The following HSD11B1 variants were observed in gnomAD, a reference collection of about 807,000 sequenced individuals.
HSD11B1 encodes the protein 11-beta-hydroxysteroid dehydrogenase 1.
HSD11B1 carries 15 observed loss-of-function variants against 22.1 expected under a neutral mutation model. The observed-to-expected ratio is 0.68, with a 90% CI of 0.45 to 1.04. HSD11B1 has a LOEUF of 1.04. Ranked by LOEUF, HSD11B1 falls within the 50% of genes least tolerant of loss-of-function variation. The pLI is 0.00. For missense variants in HSD11B1, 281 were observed against 357.6 expected (o/e 0.79, Z 1.73); for synonymous variants, 122 against 125.2 (o/e 0.97, Z 0.17).
chr1:209,728,591 T>C (rs2077017442), intron 4 of HSD11B1, among the ~76,000 whole-genome samples: 3 of 152,168 alleles, frequency 2.0e-5, no homozygotes, highest in African/African-American at 7.2e-5. Context: ...AGGAAAATTA[T>C]TGACATAACT....
intron 4 of HSD11B1, among the ~76,000 whole-genome samples, chr1:209,731,724 TG>T (rs2077036992): frequency 6.6e-6 from 1 of 152,200 alleles, no homozygotes; most frequent in African/African-American, 2.4e-5. Context: ...TTCTGTTTTT[TG>T]TTTTTTTGAG....
At chr1:209,690,897 A>T (rs1213357848) in intron 1 of HSD11B1, among the ~76,000 whole-genome samples, 5 of 152,172 alleles carry the variant, frequency 3.3e-5, no homozygotes, top group African/African-American at 9.7e-5. Context: ...ATGAAAGAGA[A>T]TAAAATACTC....
At chr1:209,698,809 G>A (rs1028242179) in intron 1 of HSD11B1, among the ~76,000 whole-genome samples, 1 of 152,176 alleles carries the variant, frequency 6.6e-6, no homozygotes, top group Non-Finnish European at 1.5e-5. Flanking sequence ...ACTGGGGGCA[G>A]GGATCAGACC....
At chr1:209,730,506 G>A (rs1377697788) in intron 4 of HSD11B1, among the ~76,000 whole-genome samples, 5 of 152,246 alleles carry the variant, frequency 3.3e-5, no homozygotes, top group African/African-American at 9.6e-5. Flanking sequence ...GAACTATTAC[G>A]TTGCATGGCC....
Position 209,691,929 on chromosome 1 carries a change from T to C in HSD11B1, c.-49+5644T>C, listed in dbSNP as rs543937224. On this transcript the variant is annotated intron_variant, in intron 1 of 6. Transcript: ENST00000261465. ...GTTTTCAGGGGAAAATAAATTAAGATTTAAAAGCGATTTGCCTGTCAGTGG... is the reference window on the plus strand; with the variant it reads ...GTTTTCAGGGGAAAATAAATTAAGACTTAAAAGCGATTTGCCTGTCAGTGG... Among the ~76,000 whole-genome samples the C allele has an allele frequency of 3.1e-4, 47 of 152,252 alleles. No individual in the cohort carries two copies. In the South Asian group the frequency reaches 9.3e-3, roughly 30 times the overall value.
chr1:209,727,752 T>C (rs2077012510), intron 4 of HSD11B1, among the ~76,000 whole-genome samples: 1 of 152,242 alleles, frequency 6.6e-6, no homozygotes, highest in African/African-American at 2.4e-5. Context: ...GCTAAATAAA[T>C]GTTAGTTCCT....
intron 1 of HSD11B1, among the ~76,000 whole-genome samples, chr1:209,694,607 C>T (rs986064534): frequency 4.6e-5 from 7 of 152,150 alleles, no homozygotes; most frequent in Non-Finnish European, 1.0e-4. Flanking sequence ...ATCCTAAAGA[C>T]AATAAGGAGC....
chr1:209,691,870 C>T (rs1381493403), intron 1 of HSD11B1, among the ~76,000 whole-genome samples: 1 of 151,994 alleles, frequency 6.6e-6, no homozygotes, highest in Non-Finnish European at 1.5e-5. Flanking sequence ...AATCAAATAG[C>T]AGTAAAAGCA....
chr1:209,688,790 G>C (rs186019690), intron 1 of HSD11B1, among the ~76,000 whole-genome samples: 4 of 152,142 alleles, frequency 2.6e-5, no homozygotes, highest in African/African-American at 9.7e-5. Flanking sequence ...GACAGTAGAA[G>C]AATTTATATG....
At chr1:209,727,174 G>T (rs1258505892) in intron 4 of HSD11B1, among the ~76,000 whole-genome samples, 1 of 152,218 alleles carries the variant, frequency 6.6e-6, no homozygotes, top group African/African-American at 2.4e-5. Context: ...GAAGATGGAG[G>T]CAGAGACTGG....
intron 1 of HSD11B1, among the ~76,000 whole-genome samples, chr1:209,687,551 T>A (rs185162076): frequency 2.6e-4 from 39 of 152,352 alleles, no homozygotes; most frequent in Admixed American, 1.4e-3. Context: ...CTAATTTATT[T>A]CTCCTTGTTT....
At chr1:209,730,792 T>G in intron 4 of HSD11B1, among the ~76,000 whole-genome samples, 1 of 152,172 alleles carries the variant, frequency 6.6e-6, no homozygotes, top group South Asian at 2.1e-4. Context: ...TTGAAACATA[T>G]AGAAATTCCA....
intron 4 of HSD11B1, among the ~76,000 whole-genome samples, chr1:209,729,702 C>G (rs975017769): frequency 6.6e-6 from 1 of 152,048 alleles, no homozygotes; most frequent in Non-Finnish European, 1.5e-5. Context: ...GGCCAATATC[C>G]CTGATGAACA....
chr1:209,706,908 C>T lies in HSD11B1; in HGVS notation c.332-35C>T, dbSNP rs1485937002. 2.5e-6 allele frequency: 4 copies of T among 1,610,214 alleles called. No homozygotes were observed. The East Asian group carries it at 8.9e-5, about 36-fold the overall frequency. On this transcript the variant is annotated intron_variant, in intron 3 of 5. Transcript: ENST00000367027. The surrounding 1 kb of genome is among the most constrained non-coding windows in gnomAD (Gnocchi z 4.0). ...GGAGGAGAATGGGAAAGGTATCAAC[C>T]CCAGATGATTTCTTAATATAGCCAT...
intron 1 of HSD11B1, among the ~76,000 whole-genome samples, chr1:209,697,295 C>T (rs2076796814): frequency 6.6e-6 from 1 of 152,220 alleles, no homozygotes; most frequent in South Asian, 2.1e-4. Flanking sequence ...ACTAGCCCTC[C>T]CCTCTCCCCA....
At chr1:209,694,994 G>A (rs1162236336) in intron 1 of HSD11B1, among the ~76,000 whole-genome samples, 1 of 152,152 alleles carries the variant, frequency 6.6e-6, no homozygotes, top group Non-Finnish European at 1.5e-5. Flanking sequence ...GGAAGGACCT[G>A]GTGGGAGGTG....
chr1:209,701,648 GGA>G (rs2076827677), upstream of HSD11B1, among the ~76,000 whole-genome samples: 1 of 152,100 alleles, frequency 6.6e-6, no homozygotes, highest in African/African-American at 2.4e-5. Flanking sequence ...TTTTCAAATG[GGA>G]GCACTTGCTT....
rs1442554462 is a variant in HSD11B1 at position 209,708,814 on chromosome 1, ATC to A, written c.517+1690_517+1691del. ...CCAAGGACGTGATGAAATTCTGATA[ATC>A]TCTGTTTCCCCATATCTCCTACACT... On this transcript the variant is annotated intron_variant, in intron 4 of 5. Transcript: ENST00000367027. Among the ~76,000 whole-genome samples, 9 of 152,332 alleles carry A rather than the reference ATC, an allele frequency of 5.9e-5. 1 individual carries two copies. In the East Asian group the frequency reaches 1.3e-3, roughly 23 times the overall value.
chr1:209,726,057 C>T (rs185529749), intron 4 of HSD11B1, among the ~76,000 whole-genome samples: 2 of 151,924 alleles, frequency 1.3e-5, no homozygotes, highest in South Asian at 2.1e-4. Flanking sequence ...TAAAAGCAGG[C>T]GGATCACGAG....
Sources: gnomAD v4.1 joint callset for allele counts (sites outside exome capture counted in the v4.1 genomes callset) on GRCh38, gnomAD v4.1.1 for gene constraint, Gnocchi (gnomAD v3.1) non-coding constraint, MANE v1.5 for transcripts, NCBI Gene and HGNC (gene_info 2026-07-23, HGNC 2026-07-21) for gene names.